The following SOX5 variants were observed in gnomAD, a reference collection of about 807,000 sequenced individuals.
The protein encoded by SOX5 is transcription factor SOX-5.
SOX5 carries 9 observed loss-of-function variants against 92.0 expected under a neutral mutation model. The observed-to-expected ratio is 0.10, with a 90% CI of 0.06 to 0.17. The LOEUF (loss-of-function observed/expected upper bound fraction) is 0.17. Among genes scored for constraint, SOX5 ranks in the 10% least tolerant of loss-of-function variants. SOX5 has a pLI of 1.00. For missense variants in SOX5, 642 were observed against 944.5 expected (o/e 0.68, Z 4.20); for synonymous variants, 344 against 336.3 (o/e 1.02, Z -0.25).
chr12:24,002,465 T>A (rs897327845), intron 4 of SOX5, among the ~76,000 whole-genome samples: 3 of 151,726 alleles, frequency 2.0e-5, no homozygotes, highest in African/African-American at 7.3e-5. Context: ...ACAATTTAGA[T>A]GATGAAAGCG....
chr12:23,604,618 T>C, intron 8 of SOX5, 85 bp from the exon 9 acceptor site: 1 of 1,333,998 alleles, frequency 7.5e-7, no homozygotes, highest in Admixed American at 1.9e-5. Flanking sequence ...TATATTCAGA[T>C]ATGGTATTTT....
intron 3 of SOX5, among the ~76,000 whole-genome samples, chr12:23,832,367 T>C (rs1218932079): frequency 6.6e-6 from 1 of 152,038 alleles, no homozygotes; most frequent in Non-Finnish European, 1.5e-5. Context: ...GAGTTCATTA[T>C]TGTTCTTGTT....
intron 6 of SOX5, among the ~76,000 whole-genome samples, chr12:23,693,234 G>A (rs561165196): frequency 1.3e-5 from 2 of 152,008 alleles, no homozygotes; most frequent in South Asian, 2.1e-4. Context: ...AGCAATTTTC[G>A]TGCCTCAGCC....
At chr12:24,083,900 T>C (rs939474749) in intron 4 of SOX5, among the ~76,000 whole-genome samples, 47 of 152,066 alleles carry the variant, frequency 3.1e-4, no homozygotes, top group African/African-American at 1.1e-3. Context: ...TACTTGCTGG[T>C]CCTTAAGTGC....
chr12:24,545,167 T>A (rs982056351), intron 1 of SOX5, among the ~76,000 whole-genome samples: 1 of 152,108 alleles, frequency 6.6e-6, no homozygotes, highest in African/African-American at 2.4e-5. Context: ...AGAGACCCCA[T>A]CACCACCACC....
At chr12:24,057,829 C>G (rs1482525321) in intron 4 of SOX5, among the ~76,000 whole-genome samples, 1 of 152,144 alleles carries the variant, frequency 6.6e-6, no homozygotes, top group Non-Finnish European at 1.5e-5. Flanking sequence ...TAAGATGACA[C>G]TCACTGGAAT....
intron 4 of SOX5, among the ~76,000 whole-genome samples, chr12:24,159,501 G>C (rs748249221): frequency 1.3e-5 from 2 of 151,912 alleles, no homozygotes; most frequent in East Asian, 3.9e-4. Flanking sequence ...TCAACAACTA[G>C]AGTAACCTGT....
intron 3 of SOX5, among the ~76,000 whole-genome samples, chr12:24,276,960 AAAAAG>A (rs1242866071): frequency 1.8e-4 from 27 of 152,216 alleles, no homozygotes; most frequent in South Asian, 8.3e-4. Flanking sequence ...TCTCATTAAG[AAAAAG>A]AAAAGAAAAG....
At chr12:24,350,374 T>C (rs767832937) in intron 2 of SOX5, among the ~76,000 whole-genome samples, 2 of 152,086 alleles carry the variant, frequency 1.3e-5, no homozygotes, top group African/African-American at 2.4e-5. Context: ...CAGGATGGAG[T>C]GTGTCTTACT....
chr12:23,534,135 A>G lies in SOX5; in HGVS notation c.*84T>C. ...TTAAAGTAACAGTCAGTGTATGAGA[A>G]AGTTAATGTGCTTGGCCACTGGTAA... On this transcript the variant is annotated 3_prime_UTR_variant, in exon 15 of 15. Coordinates refer to ENST00000451604, the MANE Select transcript of SOX5 (RefSeq NM_006940.6). 1 of 1,118,320 alleles carries G rather than the reference A, an allele frequency of 8.9e-7. No homozygotes were observed. Among genetic ancestry groups the G allele is most frequent in the Admixed American group, 1.9e-5 (1 of 51,422 alleles). 69.3% of individuals were successfully genotyped at this position (1,118,320 alleles called of 1,614,324 possible).
At chr12:24,346,160 C>T (rs1595795110) in intron 2 of SOX5, among the ~76,000 whole-genome samples, 1 of 152,278 alleles carries the variant, frequency 6.6e-6, no homozygotes, top group Non-Finnish European at 1.5e-5. Context: ...TGCGGGAAAA[C>T]GAACGTCATC....
intron 1 of SOX5, among the ~76,000 whole-genome samples, chr12:24,412,780 C>CTTTTT (rs35640190): frequency 1.5e-4 from 20 of 132,428 alleles, no homozygotes; most frequent in African/African-American, 5.7e-4. Context: ...ATTAGATTTT[C>CTTTTT]TTTTTTTTTT....
chr12:23,918,563 T>C (rs907893165), intron 1 of SOX5, among the ~76,000 whole-genome samples: 8 of 152,232 alleles, frequency 5.3e-5, no homozygotes, highest in Non-Finnish European at 1.2e-4. Flanking sequence ...TGGCATATAC[T>C]AGAGTTCTGC....
intron 1 of SOX5, among the ~76,000 whole-genome samples, chr12:23,945,427 G>C (rs1281275593): frequency 6.6e-6 from 1 of 152,084 alleles, no homozygotes; most frequent in African/African-American, 2.4e-5. Flanking sequence ...AGTACACAAT[G>C]TCACCTGACA....
chr12:24,079,187 T>C (rs1943023095), intron 4 of SOX5, among the ~76,000 whole-genome samples: 1 of 146,634 alleles, frequency 6.8e-6, no homozygotes. Context: ...GCTCTAACAA[T>C]AAAATTAAAA....
intron 2 of SOX5, among the ~76,000 whole-genome samples, chr12:23,870,262 A>G (rs1287884024): frequency 1.3e-5 from 2 of 152,104 alleles, no homozygotes; most frequent in Non-Finnish European, 2.9e-5. Flanking sequence ...GTCATAAGTA[A>G]AGGAAAAACT....
rs148810196 is a variant in SOX5 at position 24,394,168 on chromosome 12, T to C, written c.-250-25529A>G. ...AGGGAAGCCTGCATTTCTCTTGGGCTAATCATGCCCCATCATACTAAGAGG... is the reference window on the plus strand; with the variant it reads ...AGGGAAGCCTGCATTTCTCTTGGGCCAATCATGCCCCATCATACTAAGAGG... On this transcript the variant is annotated intron_variant, in intron 1 of 4. Transcript: ENST00000446891. 2.5e-3 allele frequency among the ~76,000 whole-genome samples: 382 copies of C among 152,278 alleles called. 1 individual carries two copies. Among genetic ancestry groups the C allele is most frequent in the African/African-American group, 8.4e-3 (351 of 41,552 alleles).
chr12:23,967,409 A>C (rs1947720298), intron 4 of SOX5, among the ~76,000 whole-genome samples: 1 of 152,062 alleles, frequency 6.6e-6, no homozygotes, highest in Non-Finnish European at 1.5e-5. Context: ...AAAATATTTT[A>C]AGTTATTTCT....
At chr12:23,777,504 C>T (rs999195665) in intron 3 of SOX5, among the ~76,000 whole-genome samples, 1 of 152,110 alleles carries the variant, frequency 6.6e-6, no homozygotes, top group African/African-American at 2.4e-5. Context: ...TTTGGGTACA[C>T]TGATTATGTC....
Sources: allele counts gnomAD v4.1 joint callset (sites outside exome capture counted in the v4.1 genomes callset), GRCh38; gene constraint gnomAD v4.1.1; transcripts MANE v1.5; gene names NCBI Gene and HGNC (gene_info 2026-07-23, HGNC 2026-07-21).